Variants in CYTH3 observed in about 807,000 individuals in gnomAD.
CYTH3 encodes the protein cytohesin-3.
In CYTH3, 23 loss-of-function variants were observed where a neutral mutation model predicts 55.1. That is an observed-to-expected ratio of 0.42 (90% confidence interval 0.30 to 0.59). The LOEUF is 0.59. Ranked by LOEUF, CYTH3 falls within the 20% of genes least tolerant of loss-of-function variation. CYTH3 has a pLI of 0.20. For missense variants in CYTH3, 413 were observed against 524.8 expected (o/e 0.79, Z 2.08); for synonymous variants, 249 against 194.9 (o/e 1.28, Z -2.31).
chr7:6,247,600 C>T (rs1430270198), intron 1 of CYTH3, among the ~76,000 whole-genome samples: 1 of 152,144 alleles, frequency 6.6e-6, no homozygotes, highest in South Asian at 2.1e-4. Context: ...TCTGCAAATG[C>T]TTTTACTGTC....
At position 6,163,600 on chromosome 7, in the gene CYTH3, A is replaced by G. The variant is rs6953241; in HGVS notation, c.*1344T>C. The G allele has an allele frequency of 0.17, 26,044 of 152,250 alleles. 2,591 individuals are homozygous for G. The highest frequency in any genetic ancestry group is 0.28 in the African/African-American group (11,540 of 41,476). The allele number at this position is 152,250 out of a possible 1,614,324, so 9.4% of individuals were successfully genotyped here. A position where few individuals can be genotyped will look rare whatever the true frequency, so the allele number is the denominator to read the frequency against. ...TTGAGCGGAGCACTGGGCACCTCCT[A>G]TCCTTACATCCACAGCAACCTGACA... On this transcript the variant is annotated 3_prime_UTR_variant, in exon 13 of 13. Transcript: ENST00000350796.
At chr7:6,221,197 T>C (rs186776803) in intron 1 of CYTH3, among the ~76,000 whole-genome samples, 25 of 152,256 alleles carry the variant, frequency 1.6e-4, no homozygotes, top group Non-Finnish European at 1.5e-5. Flanking sequence ...GTGATATATA[T>C]CCATACCATG....
intron 1 of CYTH3, among the ~76,000 whole-genome samples, chr7:6,223,884 T>C (rs1297661249): frequency 1.4e-5 from 2 of 145,126 alleles, no homozygotes; most frequent in African/African-American, 5.2e-5. Context: ...GCAGTATTTA[T>C]GCCCAGATTA....
chr7:6,225,237 G>A (rs768027254), intron 1 of CYTH3, among the ~76,000 whole-genome samples: 55 of 152,046 alleles, frequency 3.6e-4, no homozygotes, highest in Non-Finnish European at 6.8e-4. Flanking sequence ...CCAAAGACAT[G>A]TAAATATTTA....
Position 6,241,731 on chromosome 7 carries a change from T to C in CYTH3, c.34+30743A>G, listed in dbSNP as rs571621871. 4.6e-5 allele frequency among the ~76,000 whole-genome samples: 7 copies of C among 151,648 alleles called. No individual in the cohort carries two copies. The South Asian group carries it at 1.5e-3, about 32-fold the overall frequency. On this transcript the variant is annotated intron_variant, in intron 1 of 12. Transcript: ENST00000350796. ...GAGCTGTTTAAAAAAAGTGGTGGGG[T>C]TGCAGTGGGGAGGGAAAGAAAGGGC...
intron 1 of CYTH3, among the ~76,000 whole-genome samples, chr7:6,250,127 T>G (rs1267750358): frequency 6.6e-6 from 1 of 152,098 alleles, no homozygotes; most frequent in African/African-American, 2.4e-5. Context: ...CCCCGAGAAG[T>G]AGACTCTTCA....
chr7:6,196,278 A>T (rs942685689), intron 1 of CYTH3, among the ~76,000 whole-genome samples: 3 of 152,182 alleles, frequency 2.0e-5, no homozygotes, highest in Non-Finnish European at 2.9e-5. Flanking sequence ...AGAAATCGAG[A>T]TCAAGAGATA....
intron 1 of CYTH3, among the ~76,000 whole-genome samples, chr7:6,240,377 C>T (rs943677638): frequency 2.0e-5 from 3 of 147,540 alleles, no homozygotes; most frequent in African/African-American, 7.5e-5. Flanking sequence ...CAAGGAAAAA[C>T]AAGCAAGCAA....
At chr7:6,215,090 A>AGG (rs1784396612) in intron 1 of CYTH3, among the ~76,000 whole-genome samples, 2 of 152,210 alleles carry the variant, frequency 1.3e-5, no homozygotes, top group African/African-American at 4.8e-5. Flanking sequence ...CTGTTACTTC[A>AGG]AGTGTTCTGA....
At chr7:6,212,036 TCTAA>T (rs1784329971) in intron 1 of CYTH3, among the ~76,000 whole-genome samples, 1 of 152,168 alleles carries the variant, frequency 6.6e-6, no homozygotes, top group Non-Finnish European at 1.5e-5. Context: ...ATTCATTCTT[TCTAA>T]CTAATTTTTT....
chr7:6,209,281 C>G (rs377523831), intron 1 of CYTH3, among the ~76,000 whole-genome samples: 1 of 152,148 alleles, frequency 6.6e-6, no homozygotes, highest in East Asian at 1.9e-4. Flanking sequence ...CTAGAAATTT[C>G]AAATTAAATA....
At position 6,238,753 on chromosome 7, in the gene CYTH3, G is replaced by A. The variant is rs1011244550; in HGVS notation, c.34+33721C>T. On this transcript the variant is annotated intron_variant, in intron 1 of 12. Coordinates refer to ENST00000350796, the MANE Select transcript of CYTH3 (RefSeq NM_004227.4). ...GTAACAAATGGACCACTGTGGTGAA[G>A]GGTGTCGACAGCCGGGGAAGGCTGT... is the stretch of plus-strand genomic sequence containing the variant. Among the ~76,000 whole-genome samples, 28 of 152,268 alleles carry A rather than the reference G, an allele frequency of 1.8e-4. No homozygotes were observed. In the South Asian group the frequency reaches 3.1e-3, roughly 17 times the overall value.
intron 1 of CYTH3, among the ~76,000 whole-genome samples, chr7:6,250,270 T>TGATA (rs568818372): frequency 1.2e-4 from 18 of 152,212 alleles, no homozygotes; most frequent in Non-Finnish European, 2.4e-4. Flanking sequence ...GTTCATAAGA[T>TGATA]TATCAACTAA....
At chr7:6,223,539 C>T (rs1312551576) in intron 1 of CYTH3, among the ~76,000 whole-genome samples, 2 of 152,090 alleles carry the variant, frequency 1.3e-5, no homozygotes, top group Non-Finnish European at 2.9e-5. Flanking sequence ...TTACCCCCAA[C>T]CCCGTGCTCT....
intron 1 of CYTH3, among the ~76,000 whole-genome samples, chr7:6,238,517 C>T (rs1023732590): frequency 6.6e-6 from 1 of 152,126 alleles, no homozygotes; most frequent in Admixed American, 6.6e-5. Flanking sequence ...ATGTCAATAA[C>T]CTATACAAAC....
chr7:6,229,865 G>A (rs1583180576), intron 1 of CYTH3, among the ~76,000 whole-genome samples: 2 of 150,998 alleles, frequency 1.3e-5, no homozygotes, highest in East Asian at 3.9e-4. Context: ...GCTGGGCTGG[G>A]TGGCTCATGC....
chr7:6,190,018 A>G (rs765348324), intron 2 of CYTH3, among the ~76,000 whole-genome samples: 2 of 152,210 alleles, frequency 1.3e-5, no homozygotes, highest in Admixed American at 1.3e-4. Flanking sequence ...CCTGGGCAAC[A>G]GAGCGAGACT....
At chr7:6,187,749 G>A in intron 2 of CYTH3, 28 bp from the exon 3 acceptor site, 12 of 1,602,224 alleles carry the variant, frequency 7.5e-6, no homozygotes, top group Non-Finnish European at 9.4e-6. Context: ...TTTCGAGGTG[G>A]GGAGTGGGTC....
In CYTH3 at chr7:6,165,556, G is replaced by A. The variant is rs1782975153; in HGVS notation, c.961C>T (p.Pro321Ser). The change falls in exon 11 of 13, where the codon CCC (proline) becomes TCC (serine). Residue 321 changes from proline to serine, a missense_variant. Coordinates refer to ENST00000350796, the MANE Select transcript of CYTH3 (RefSeq NM_004227.4). ...ENLSIREVEDPRKPNCFELYN... is the reference protein window; with the variant it reads ...ENLSIREVEDSRKPNCFELYN... ...GAGGAAGAGCTTACGGGTTTCCGGG[G>A]GTCCTCCACCTCCCTGATGCTGAGG... 1.1e-5 allele frequency: 18 copies of A among 1,614,014 alleles called. No homozygotes were observed. The highest frequency in any genetic ancestry group is 1.5e-5 in the Non-Finnish European group (18 of 1,179,922).
Sources: allele counts gnomAD v4.1 joint callset (sites outside exome capture counted in the v4.1 genomes callset), GRCh38; gene constraint gnomAD v4.1.1; transcripts MANE v1.5; gene names NCBI Gene and HGNC (gene_info 2026-07-23, HGNC 2026-07-21).